PHLDB1: variants seen among roughly 807,000 people sequenced by gnomAD.
PHLDB1 encodes pleckstrin homology-like domain family B member 1.
PHLDB1 carries 65 observed loss-of-function variants against 139.3 expected under a neutral mutation model. The ratio of observed to expected loss-of-function variants is 0.47; its 90% confidence interval spans 0.38 to 0.57. PHLDB1 has a LOEUF of 0.57. Ranked by LOEUF, PHLDB1 falls within the 20% of genes least tolerant of loss-of-function variation. The pLI, the probability that PHLDB1 is intolerant of heterozygous loss-of-function variation, is 0.00. For missense variants in PHLDB1, 1,624 were observed against 1,839.7 expected, an observed-to-expected ratio of 0.88 and a Z score of 2.14; for synonymous variants, 679 against 734.5, an observed-to-expected ratio of 0.92 and a Z score of 1.22.
chr11:118,617,131 G>A (rs1320850144), intron 4 of PHLDB1, among the ~76,000 whole-genome samples: 1 of 152,196 alleles, frequency 6.6e-6, no homozygotes, highest in East Asian at 1.9e-4. Flanking sequence ...GTTGGCCCAG[G>A]TAGCACTTTG....
intron 4 of PHLDB1, chr11:118,624,421 G>T (rs1555098523): frequency 1.3e-5 from 2 of 156,524 alleles, no homozygotes; most frequent in African/African-American, 4.8e-5. Context: ...GTGCTGCGGA[G>T]CCCTGGAGGT....
In PHLDB1 at chr11:118,631,433, A is replaced by C; in HGVS notation, c.2054A>C (p.Glu685Ala). ...LWESMERSDEENLKEECSSTE... is the reference protein window; with the variant it reads ...LWESMERSDEANLKEECSSTE... ...GAGAGTATGGAGCGCTCAGATGAGGAAAATCTCAAGGAGGAGTGCAGCAGC... is the reference window on the plus strand; with the variant it reads ...GAGAGTATGGAGCGCTCAGATGAGGCAAATCTCAAGGAGGAGTGCAGCAGC... The change falls in exon 7 of 23, where the codon GAA (glutamate) becomes GCA (alanine). Residue 685 changes from glutamate (E) to alanine (A), a missense_variant. Physicochemically the swap from Glu to Ala is moderately radical, Grantham distance 107. Coordinates refer to ENST00000600882, the MANE Select transcript of PHLDB1 (RefSeq NM_001144758.3). 1 of 1,446,152 alleles carries C rather than the reference A, an allele frequency of 6.9e-7. No homozygotes were observed. The highest frequency in any genetic ancestry group is 9.1e-7 in the Non-Finnish European group (1 of 1,099,254). 89.6% of individuals were successfully genotyped at this position (1,446,152 alleles called of 1,614,324 possible). A position where few individuals can be genotyped will look rare whatever the true frequency, so the allele number is the denominator to read the frequency against.
chr11:118,632,394 C>A lies in PHLDB1; in HGVS notation c.2379+98C>A. 8.1e-7 allele frequency: 1 copy of A among 1,239,172 alleles called. No individual in the cohort carries two copies. The highest frequency in any genetic ancestry group is 1.2e-6 in the Non-Finnish European group (1 of 866,754). The allele number at this position is 1,239,172 out of a possible 1,614,324, so 76.8% of individuals were successfully genotyped here. On this transcript the variant is annotated intron_variant, in intron 9 of 22. Coordinates refer to ENST00000600882, the MANE Select transcript of PHLDB1 (RefSeq NM_001144758.3). This position sits in a 1 kb window ranked among gnomAD's most constrained non-coding sequence, Gnocchi z 5.9. ...GGCCCTGTACCCTTCACCTCATCAT[C>A]CATTCTGCAGTACAAGTGGTCTCTG...
Position 118,625,550 on chromosome 11 carries a change from T to G in PHLDB1, c.481+491T>G, listed in dbSNP as rs562670811. On this transcript the variant is annotated intron_variant, in intron 5 of 22. Coordinates refer to ENST00000600882, the MANE Select transcript of PHLDB1 (RefSeq NM_001144758.3). ...TGAATTATTGATCCCCAGAAGAGAA[T>G]TGGTGATTGTTCTGGGGAACCAACA... is the stretch of plus-strand genomic sequence containing the variant. Among the ~76,000 whole-genome samples, 15 of 152,320 alleles carry G rather than the reference T, an allele frequency of 9.8e-5. No homozygotes were observed. In the East Asian group the frequency reaches 2.9e-3, roughly 29 times the overall value.
In PHLDB1 at chr11:118,608,241, T is replaced by C. The variant is rs1939486725; in HGVS notation, c.-22+542T>C. On this transcript the variant is annotated intron_variant, in intron 1 of 22. Transcript: ENST00000600882. The surrounding 1 kb of genome is among the most constrained non-coding windows in gnomAD (Gnocchi z 6.7). ...GTCTTGAGCGTCTAGGAGGGCTGCC[T>C]GGGGGTGTCCAGGAGATGGGAAGCC... Among the ~76,000 whole-genome samples, 1 of 152,010 alleles carries C rather than the reference T, an allele frequency of 6.6e-6. No homozygotes were observed. The highest frequency in any genetic ancestry group is 1.5e-5 in the Non-Finnish European group (1 of 67,932).
At chr11:118,643,628 G>A in intron 13 of PHLDB1, 172 bp from the exon 14 acceptor site, 2 of 985,466 alleles carry the variant, frequency 2.0e-6, no homozygotes, top group Non-Finnish European at 1.2e-6. Flanking sequence ...AGAATTGGCA[G>A]CTGCCAATAG....
chr11:118,644,140 C>T lies in PHLDB1; in HGVS notation c.3087C>T (p.Ile1029=), dbSNP rs557805808. Residue 1029 remains isoleucine, a synonymous_variant, in exon 15 of 23, where the codon ATC becomes ATT. Transcript: ENST00000600882. ...PRNLAATLQD[I]ETKRQLALQQ... is the part of the protein sequence containing the mutation. ...ACCTGGCAGCCACACTGCAGGACAT[C>T]GAGACCAAGCGCCAACTAGCTCTGC... 13 of 1,613,218 alleles carry T rather than the reference C, an allele frequency of 8.1e-6. No homozygotes were observed. The highest frequency in any genetic ancestry group is 3.3e-4 in the Middle Eastern group (2 of 6,084).
At chr11:118,607,171 C>G (rs370203725), upstream of PHLDB1, among the ~76,000 whole-genome samples, 1 of 151,014 alleles carries the variant, frequency 6.6e-6, no homozygotes, top group Non-Finnish European at 1.5e-5. Flanking sequence ...AGTGGGAGCC[C>G]GTGGAGGTTT....
Position 118,610,598 on chromosome 11 carries a change from C to T in PHLDB1, c.-22+2899C>T. ...GCCCCGCGAAGGGCCGGGTCTGGTG[C>T]TCTGGGGCTGGCTTTGGACCTCTCG... On this transcript the variant is annotated intron_variant, in intron 1 of 22. Coordinates refer to ENST00000600882, the MANE Select transcript of PHLDB1 (RefSeq NM_001144758.3). This position sits in a 1 kb window ranked among gnomAD's most constrained non-coding sequence, Gnocchi z 8.7. 2.1e-6 allele frequency: 1 copy of T among 483,420 alleles called. No individual in the cohort carries two copies. Among genetic ancestry groups the T allele is most frequent in the Non-Finnish European group, 2.7e-6 (1 of 370,656 alleles). The allele number at this position is 483,420 out of a possible 1,614,324, so 29.9% of individuals were successfully genotyped here. A position where few individuals can be genotyped will look rare whatever the true frequency, so the allele number is the denominator to read the frequency against.
rs1440427371 is a variant in PHLDB1, at chr11:118,608,639, C to T, written c.-22+940C>T. ...GCTGACTCATCGGGCGGCGGGCTCACCCCCCAGCCGTCAAACGCAAACGCA... is the reference window on the plus strand; with the variant it reads ...GCTGACTCATCGGGCGGCGGGCTCATCCCCCAGCCGTCAAACGCAAACGCA... On this transcript the variant is annotated intron_variant, in intron 1 of 22. Coordinates refer to ENST00000600882, the MANE Select transcript of PHLDB1 (RefSeq NM_001144758.3). This position sits in a 1 kb window ranked among gnomAD's most constrained non-coding sequence, Gnocchi z 6.7. Among the ~76,000 whole-genome samples the T allele has an allele frequency of 6.6e-6, 1 of 152,140 alleles. No individual in the cohort carries two copies.
chr11:118,645,060 T>C lies in PHLDB1; in HGVS notation c.3122-296T>C, dbSNP rs563285353. 2 of 383,536 alleles carry C rather than the reference T, an allele frequency of 5.2e-6. No homozygotes were observed. Among genetic ancestry groups the C allele is most frequent in the African/African-American group, 4.1e-5 (2 of 48,216 alleles). 23.8% of individuals were successfully genotyped at this position (383,536 alleles called of 1,614,324 possible). On this transcript the variant is annotated intron_variant, in intron 15 of 22. Transcript: ENST00000600882. The surrounding 1 kb of genome is among the most constrained non-coding windows in gnomAD (Gnocchi z 5.1). ...GCCTTGGTTGTGAGCTGGAGCCAAC[T>C]GGCTGTCGTGCTGCCCCAGCACTAC... is the stretch of plus-strand genomic sequence containing the variant.
At position 118,645,475 on chromosome 11, in the gene PHLDB1, T is replaced by C; in HGVS notation, c.3241T>C (p.Ser1081Pro). The C allele has an allele frequency of 6.2e-7, 1 of 1,611,134 alleles. No homozygotes were observed. Among genetic ancestry groups the C allele is most frequent in the Non-Finnish European group, 8.5e-7 (1 of 1,178,568 alleles). ...HGAAPFPAGP[S>P]GFPPLMHHSI... is the part of the protein sequence containing the mutation. ...GGCAGCACCCTTCCCAGCGGGCCCC[T>C]CGGGCTTCCCCCCTCTCATGCACCA... is the stretch of plus-strand genomic sequence containing the variant. Residue 1081 changes from serine to proline, a missense_variant, in exon 16 of 23, where the codon TCG becomes CCG. Transcript: ENST00000600882. This position sits in a 1 kb window ranked among gnomAD's most constrained non-coding sequence, Gnocchi z 5.1.
chr11:118,656,432 C>T (rs1401238807), intron 22 of PHLDB1, among the ~76,000 whole-genome samples: 2 of 152,184 alleles, frequency 1.3e-5, no homozygotes, highest in African/African-American at 4.8e-5. Flanking sequence ...GGACCAGTGC[C>T]CCCCTTGTCA....
In PHLDB1 at chr11:118,628,029, T is replaced by C. The variant is rs782232417; in HGVS notation, c.1206T>C (p.Pro402=). The change falls in exon 6 of 23, where the codon CCT becomes CCC. Residue 402 remains proline (P), a synonymous_variant. Coordinates refer to ENST00000600882, the MANE Select transcript of PHLDB1 (RefSeq NM_001144758.3). The part of the protein sequence containing the change: ...RNKIGTLQDR[P]PSPFREPPGS... Reference sequence around the variant, plus strand: ...AGATTGGCACACTCCAGGACCGCCCTCCCAGCCCTTTCCGTGAGCCTCCAG... The same window carrying C: ...AGATTGGCACACTCCAGGACCGCCCCCCCAGCCCTTTCCGTGAGCCTCCAG... The C allele has an allele frequency of 3.7e-6, 6 of 1,613,722 alleles. No individual in the cohort carries two copies. Among genetic ancestry groups the C allele is most frequent in the Non-Finnish European group, 5.1e-6 (6 of 1,180,004 alleles).
intron 15 of PHLDB1, chr11:118,644,679 G>A (rs1430111458): frequency 1.3e-5 from 17 of 1,289,476 alleles, no homozygotes; most frequent in Non-Finnish European, 1.6e-5. Context: ...CCTCCCAACC[G>A]ACGACCCAGC....
At chr11:118,643,471 C>G in intron 13 of PHLDB1, 1 of 981,618 alleles carries the variant, frequency 1.0e-6, no homozygotes, top group Non-Finnish European at 1.2e-6. Context: ...AGTGGCAGAG[C>G]TAGGACCAGA....
chr11:118,623,799 AC>A (rs781914311), intron 4 of PHLDB1, among the ~76,000 whole-genome samples: 77 of 150,890 alleles, frequency 5.1e-4, no homozygotes, highest in Admixed American at 8.6e-4. Flanking sequence ...CTACCCTTCT[AC>A]CCAAGGGGCA....
At chr11:118,655,583 C>G in intron 20 of PHLDB1, 22 bp from the exon 21 acceptor site, 1 of 1,529,640 alleles carries the variant, frequency 6.5e-7, no homozygotes, top group South Asian at 1.1e-5. Context: ...GGCTCCATAG[C>G]CCACCCTTAC....
intron 22 of PHLDB1, 142 bp from the exon 23 acceptor site, chr11:118,656,541 G>A: frequency 1.5e-6 from 1 of 684,782 alleles, no homozygotes; most frequent in Non-Finnish European, 2.5e-6. Context: ...GGACTGGTAG[G>A]GTCTAGGCTC....
Sources: gnomAD v4.1 joint callset for allele counts (sites outside exome capture counted in the v4.1 genomes callset) on GRCh38, gnomAD v4.1.1 for gene constraint, Gnocchi (gnomAD v3.1) non-coding constraint, MANE v1.5 for transcripts, NCBI Gene and HGNC (gene_info 2026-07-23, HGNC 2026-07-21) for gene names.